The following RAI14 variants were observed in gnomAD, a reference collection of about 807,000 sequenced individuals.
RAI14 encodes retinoic acid induced 14.
A neutral mutation model predicts 115.4 loss-of-function variants in RAI14; 45 were observed. That is an observed-to-expected ratio of 0.39 (90% CI 0.31 to 0.50). The LOEUF (loss-of-function observed/expected upper bound fraction) is 0.50, where lower values mean the gene tolerates loss of function less well. Among genes scored for constraint, RAI14 ranks in the 20% least tolerant of loss-of-function variants. The pLI, the probability that RAI14 is intolerant of heterozygous loss-of-function variation, is 0.85. For missense variants in RAI14, 939 were observed against 1,131.2 expected (o/e 0.83, Z 2.44); for synonymous variants, 371 against 415.4 (o/e 0.89, Z 1.30).
At chr5:34,767,136 T>C (rs1749495579) in intron 3 of RAI14, among the ~76,000 whole-genome samples, 1 of 152,208 alleles carries the variant, frequency 6.6e-6, no homozygotes, top group Non-Finnish European at 1.5e-5. Flanking sequence ...AACAGACTAA[T>C]ACAATTGCTA....
At chr5:34,784,157 A>G (rs1446725371) in intron 3 of RAI14, among the ~76,000 whole-genome samples, 2 of 152,258 alleles carry the variant, frequency 1.3e-5, no homozygotes, top group African/African-American at 2.4e-5. Context: ...AATGAACCAC[A>G]TATGAAGAAT....
chr5:34,712,455 G>A (rs1001978016), intron 2 of RAI14, among the ~76,000 whole-genome samples: 6 of 152,142 alleles, frequency 3.9e-5, no homozygotes, highest in East Asian at 1.9e-4. Context: ...CAGTTGACAC[G>A]TGCATGAAGG....
At position 34,829,253 on chromosome 5, in the gene RAI14, T is replaced by C. The variant is rs568578459; in HGVS notation, c.2800-479T>C. 2.0e-4 allele frequency among the ~76,000 whole-genome samples: 30 copies of C among 152,230 alleles called. 1 individual carries two copies. Among genetic ancestry groups the C allele is most frequent in the African/African-American group, 5.3e-4 (22 of 41,560 alleles). On this transcript the variant is annotated intron_variant, in intron 16 of 17. Coordinates refer to ENST00000265109, the MANE Select transcript of RAI14 (RefSeq NM_015577.3). ...CCCACGCTGGAGTGCAGTGGCGTGATCTCGGCTCACTACAACCTCTGCCTC... is the reference window on the plus strand; with the variant it reads ...CCCACGCTGGAGTGCAGTGGCGTGACCTCGGCTCACTACAACCTCTGCCTC...
chr5:34,804,841 C>T (rs1319754547), intron 5 of RAI14, among the ~76,000 whole-genome samples: 2 of 152,198 alleles, frequency 1.3e-5, no homozygotes, highest in South Asian at 2.1e-4. Context: ...TGCTCAAGCT[C>T]TCTGCCTCCA....
intron 1 of RAI14, among the ~76,000 whole-genome samples, chr5:34,663,257 T>C (rs1742842414): frequency 6.6e-6 from 1 of 152,152 alleles, no homozygotes. Context: ...GGTTCACACC[T>C]GTAATTCTAG....
intron 3 of RAI14, among the ~76,000 whole-genome samples, chr5:34,775,006 A>C (rs1324404891): frequency 6.6e-6 from 1 of 152,190 alleles, no homozygotes; most frequent in Non-Finnish European, 1.5e-5. Context: ...TGCCAAGAAC[A>C]TACATTGGGA....
intron 8 of RAI14, 102 bp downstream of exon 8, chr5:34,811,220 G>A: frequency 7.6e-7 from 1 of 1,311,580 alleles, no homozygotes; most frequent in Admixed American, 1.9e-5. Context: ...TGTTATAAGG[G>A]ATTTTTAACT....
In RAI14 at chr5:34,694,426, C is replaced by T. The variant is rs898967384; in HGVS notation, c.36+7471C>T. 3.9e-5 allele frequency among the ~76,000 whole-genome samples: 6 copies of T among 152,310 alleles called. No individual in the cohort carries two copies. The East Asian group carries it at 1.2e-3, about 29-fold the overall frequency. On this transcript the variant is annotated intron_variant, in intron 2 of 17. Transcript: ENST00000265109. ...TACAGGGGCCAGCGTTGGCCAAAGG[C>T]TCAGTATGTCCATAAAGATGAGGTT...
At chr5:34,749,374 A>T (rs759757273) in intron 2 of RAI14, among the ~76,000 whole-genome samples, 2 of 152,150 alleles carry the variant, frequency 1.3e-5, no homozygotes, top group Non-Finnish European at 2.9e-5. Flanking sequence ...GATTGAGTTG[A>T]TATGTTTGAA....
intron 2 of RAI14, among the ~76,000 whole-genome samples, chr5:34,699,556 TA>T (rs1277627350): frequency 1.3e-5 from 2 of 152,256 alleles, no homozygotes; most frequent in African/African-American, 4.8e-5. Flanking sequence ...TGTATGGGAG[TA>T]GGGGCCCACC....
rs566509363 is a variant in RAI14, at chr5:34,823,022, T to C, written c.1180T>C (p.Leu394=). ...CTCATACCATTCCACCCAAACTGACTTGGGCCCATCCCTGGGAAAACCTGG... is the reference window on the plus strand; with the variant it reads ...CTCATACCATTCCACCCAAACTGACCTGGGCCCATCCCTGGGAAAACCTGG... The part of the protein sequence containing the change: ...FDSYHSTQTD[L]GPSLGKPGET... The change falls in exon 15 of 18, where the codon TTG becomes CTG. Residue 394 remains leucine, a synonymous_variant. Coordinates refer to ENST00000265109, the MANE Select transcript of RAI14 (RefSeq NM_015577.3). The surrounding 1 kb of genome is among the most constrained non-coding windows in gnomAD (Gnocchi z 4.5). 1.2e-6 allele frequency: 2 copies of C among 1,614,032 alleles called. No homozygotes were observed. Among genetic ancestry groups the C allele is most frequent in the Admixed American group, 1.7e-5 (1 of 59,994 alleles).
intron 1 of RAI14, among the ~76,000 whole-genome samples, chr5:34,679,306 T>A (rs1744222916): frequency 6.6e-6 from 1 of 152,252 alleles, no homozygotes; most frequent in Admixed American, 6.5e-5. Flanking sequence ...GTTTCCAGCG[T>A]AACCGTAGTG....
chr5:34,799,288 G>A (rs571346066), intron 4 of RAI14, among the ~76,000 whole-genome samples: 9 of 152,206 alleles, frequency 5.9e-5, no homozygotes, highest in African/African-American at 1.9e-4. Context: ...AGTCCTAAAC[G>A]TTTGTTGTGG....
intron 4 of RAI14, 48 bp downstream of exon 4, chr5:34,796,075 G>A: frequency 7.1e-7 from 1 of 1,417,230 alleles, no homozygotes; most frequent in Non-Finnish European, 9.9e-7. Context: ...ACCAGATTAG[G>A]TATCAAAAAG....
chr5:34,823,206 T>C lies in RAI14; in HGVS notation c.1364T>C (p.Leu455Pro), dbSNP rs202166811. 19 of 1,614,092 alleles carry C rather than the reference T, an allele frequency of 1.2e-5. No homozygotes were observed. In the East Asian group the frequency reaches 4.0e-4, roughly 34 times the overall value. Reference sequence around the variant, plus strand: ...AGCTCTGAAGCAGAGAGAAAACAGCTACAGGTCGAACTCCAATCCCGAAGG... The same window carrying C: ...AGCTCTGAAGCAGAGAGAAAACAGCCACAGGTCGAACTCCAATCCCGAAGG... ...LESSEAERKQ[L>P]QVELQSRRAE... Residue 455 changes from leucine to proline, a missense_variant, in exon 15 of 18, where the codon CTA (leucine) becomes CCA (proline). Leu to Pro is a moderately conservative substitution (Grantham distance 98). Coordinates refer to ENST00000265109, the MANE Select transcript of RAI14 (RefSeq NM_015577.3). The surrounding 1 kb of genome is among the most constrained non-coding windows in gnomAD (Gnocchi z 4.5).
intron 5 of RAI14, among the ~76,000 whole-genome samples, chr5:34,806,460 A>C (rs1754906035): frequency 6.6e-6 from 1 of 152,224 alleles, no homozygotes; most frequent in Admixed American, 6.5e-5. Context: ...GAGACGTGCC[A>C]GGAGGCTACC....
rs114918512 is a variant in RAI14, at chr5:34,736,987, C to T, written c.37-20481C>T. 5.7e-3 allele frequency among the ~76,000 whole-genome samples: 861 copies of T among 152,204 alleles called. 5 individuals carry two copies. The highest frequency in any genetic ancestry group is 0.02 in the African/African-American group (820 of 41,522). ...TTATCACCTGAGCTCTGCCTCCTGT[C>T]GGATGAGTGGCAACATTAAACTCTC... On this transcript the variant is annotated intron_variant, in intron 2 of 17. Transcript: ENST00000265109.
chr5:34,718,139 A>T (rs559353183), intron 2 of RAI14, among the ~76,000 whole-genome samples: 1 of 152,302 alleles, frequency 6.6e-6, no homozygotes, highest in African/African-American at 2.4e-5. Flanking sequence ...CCCGATGGGA[A>T]CAACAGCTAG....
chr5:34,817,419 C>T (rs995416394), intron 12 of RAI14, among the ~76,000 whole-genome samples: 1 of 151,994 alleles, frequency 6.6e-6, no homozygotes, highest in Non-Finnish European at 1.5e-5. Flanking sequence ...TAACTATTAC[C>T]AGTTTGGAAA....
Sources: allele counts gnomAD v4.1 joint callset (sites outside exome capture counted in the v4.1 genomes callset), GRCh38; gene constraint gnomAD v4.1.1; non-coding constraint Gnocchi (gnomAD v3.1); transcripts MANE v1.5; gene names NCBI Gene and HGNC (gene_info 2026-07-23, HGNC 2026-07-21).